Variants in CCDC181 observed in about 807,000 individuals in gnomAD.
The protein encoded by CCDC181 is coiled-coil domain containing 181, also known as coiled-coil domain-containing protein 181.
CCDC181 carries 35 observed loss-of-function variants against 58.7 expected under a neutral mutation model. The ratio of observed to expected loss-of-function variants is 0.60; its 90% confidence interval spans 0.46 to 0.79. The LOEUF (loss-of-function observed/expected upper bound fraction) is 0.79. Ranked by LOEUF, CCDC181 falls within the 30% of genes least tolerant of loss-of-function variation. The pLI is 0.00. For missense variants in CCDC181, 517 were observed against 583.9 expected, an observed-to-expected ratio of 0.89 and a Z score of 1.18; for synonymous variants, 183 against 197.5, an observed-to-expected ratio of 0.93 and a Z score of 0.62.
intron 4 of CCDC181, among the ~76,000 whole-genome samples, chr1:169,404,897 A>G (rs145535873): frequency 1.2e-4 from 19 of 152,348 alleles, no homozygotes; most frequent in Middle Eastern, 3.4e-3. Context: ...ACATGATTGT[A>G]TATTTAGAAA....
At chr1:169,458,582 C>A (rs955579146) in intron 2 of CCDC181, among the ~76,000 whole-genome samples, 1 of 152,148 alleles carries the variant, frequency 6.6e-6, no homozygotes, top group African/African-American at 2.4e-5. Context: ...AGCTTCCCAA[C>A]ATTTCTATTT....
At chr1:169,398,383 C>T (rs1289303866) in intron 4 of CCDC181, among the ~76,000 whole-genome samples, 1 of 152,136 alleles carries the variant, frequency 6.6e-6, no homozygotes. Context: ...TCACACTGTA[C>T]TCCATAAATA....
chr1:169,448,877 A>G (rs1439611393), intron 2 of CCDC181, among the ~76,000 whole-genome samples: 1 of 151,992 alleles, frequency 6.6e-6, no homozygotes, highest in East Asian at 1.9e-4. Flanking sequence ...GTTTTATTTC[A>G]GTTAGGGAGT....
intron 2 of CCDC181, among the ~76,000 whole-genome samples, chr1:169,449,598 C>T (rs1390632071): frequency 3.9e-5 from 6 of 152,168 alleles, no homozygotes; most frequent in Admixed American, 6.5e-5. Flanking sequence ...AGTCTGTGGC[C>T]GAAGGCCTAA....
chr1:169,407,958 G>A (rs1655757838), intron 4 of CCDC181, among the ~76,000 whole-genome samples: 1 of 152,194 alleles, frequency 6.6e-6, no homozygotes, highest in South Asian at 2.1e-4. Flanking sequence ...TCCCTTGAAT[G>A]CCTACACCAC....
At chr1:169,434,135 A>G (rs1252366313) in intron 2 of CCDC181, among the ~76,000 whole-genome samples, 2 of 152,034 alleles carry the variant, frequency 1.3e-5, no homozygotes, top group African/African-American at 4.8e-5. Context: ...AAATGGACAA[A>G]CAACTTGATT....
intron 4 of CCDC181, among the ~76,000 whole-genome samples, chr1:169,406,195 G>A (rs997163861): frequency 4.1e-4 from 62 of 152,206 alleles, no homozygotes; most frequent in Admixed American, 1.6e-3. Context: ...TTACAGTGTT[G>A]GTGGGAGTGT....
At chr1:169,450,768 G>A (rs1364283441) in intron 2 of CCDC181, among the ~76,000 whole-genome samples, 1 of 152,188 alleles carries the variant, frequency 6.6e-6, no homozygotes, top group African/African-American at 2.4e-5. Context: ...AGCAATGTAT[G>A]AGAATTCCAG....
chr1:169,407,897 C>T (rs533782200), intron 4 of CCDC181, among the ~76,000 whole-genome samples: 2 of 152,266 alleles, frequency 1.3e-5, no homozygotes, highest in Non-Finnish European at 1.5e-5. Context: ...TGCATTATTG[C>T]CCAAATACCA....
At chr1:169,440,594 T>C (rs537046185) in intron 2 of CCDC181, among the ~76,000 whole-genome samples, 18 of 152,092 alleles carry the variant, frequency 1.2e-4, no homozygotes, top group Non-Finnish European at 2.1e-4. Flanking sequence ...TCCAGGATCT[T>C]TAGGTAATTC....
chr1:169,416,100 C>T (rs1441021060), intron 4 of CCDC181, among the ~76,000 whole-genome samples: 8 of 152,314 alleles, frequency 5.3e-5, no homozygotes, highest in African/African-American at 1.4e-4. Flanking sequence ...AGGGTTGGGA[C>T]GCTAGGCCCC....
intron 2 of CCDC181, among the ~76,000 whole-genome samples, chr1:169,453,269 T>A: frequency 6.6e-6 from 1 of 152,112 alleles, no homozygotes; most frequent in Middle Eastern, 3.2e-3. Context: ...AGCCATAATT[T>A]GATTAATATT....
intron 3 of CCDC181, 122 bp downstream of exon 3, chr1:169,421,241 T>C (rs1311833733): frequency 2.8e-6 from 2 of 707,564 alleles, no homozygotes; most frequent in East Asian, 2.7e-5. Flanking sequence ...AATCTAACAA[T>C]AGATAAATAA....
intron 2 of CCDC181, among the ~76,000 whole-genome samples, chr1:169,423,464 C>CA (rs1276979637): frequency 1.3e-5 from 2 of 151,680 alleles, no homozygotes; most frequent in South Asian, 2.1e-4. Context: ...CCACTTTTTA[C>CA]AAAAAAATCT....
At chr1:169,443,621 G>C (rs1657292341) in intron 2 of CCDC181, among the ~76,000 whole-genome samples, 1 of 152,086 alleles carries the variant, frequency 6.6e-6, no homozygotes, top group South Asian at 2.1e-4. Context: ...ATGTCCTATA[G>C]TTTTAGCTTT....
At chr1:169,403,550 C>G (rs989243006) in intron 4 of CCDC181, among the ~76,000 whole-genome samples, 1 of 152,210 alleles carries the variant, frequency 6.6e-6, no homozygotes, top group African/African-American at 2.4e-5. Flanking sequence ...CAACCTGCTC[C>G]TGAATGACTA....
chr1:169,431,378 A>G (rs894040991), upstream of CCDC181, among the ~76,000 whole-genome samples: 1 of 151,752 alleles, frequency 6.6e-6, no homozygotes, highest in Non-Finnish European at 1.5e-5. Context: ...AGTGGAAATG[A>G]CTCAAATGTC....
intron 1 of CCDC181, among the ~76,000 whole-genome samples, chr1:169,426,458 T>C (rs1656715767): frequency 6.6e-6 from 1 of 152,212 alleles, no homozygotes; most frequent in African/African-American, 2.4e-5. Context: ...ACCCTCTTAA[T>C]ACGGAACTGT....
upstream of CCDC181, among the ~76,000 whole-genome samples, chr1:169,429,248 A>G (rs1240442650): frequency 6.6e-6 from 1 of 152,130 alleles, no homozygotes; most frequent in Non-Finnish European, 1.5e-5. Flanking sequence ...GTAATTGCGA[A>G]TTGTGCTGCG....
Sources: gnomAD v4.1 joint callset for allele counts (sites outside exome capture counted in the v4.1 genomes callset) on GRCh38, gnomAD v4.1.1 for gene constraint, MANE v1.5 for transcripts, NCBI Gene and HGNC (gene_info 2026-07-23, HGNC 2026-07-21) for gene names.